Variants in ANK3 observed in about 807,000 individuals in gnomAD.
The protein encoded by ANK3 is ankyrin-3.
ANK3 carries 57 observed loss-of-function variants against 370.9 expected under a neutral mutation model. The observed-to-expected ratio is 0.15, with a 90% CI of 0.12 to 0.19. The LOEUF is 0.19. ANK3 is among the 10% of genes least tolerant of loss of function. ANK3 has a pLI of 1.00. For synonymous variants in ANK3, 1,929 were observed against 1,946.3 expected (o/e 0.99, Z 0.23); for missense variants, 4,439 against 5,302.1 (o/e 0.84, Z 5.06).
chr10:60,712,563 A>G (rs1169820173), intron 1 of ANK3, among the ~76,000 whole-genome samples: 1 of 152,230 alleles, frequency 6.6e-6, no homozygotes, highest in African/African-American at 2.4e-5. Flanking sequence ...AACAGAGAAT[A>G]AGGGCAGCAA....
chr10:60,145,977 TA>T, intron 23 of ANK3: 1 of 956,500 alleles, frequency 1.0e-6, no homozygotes, highest in Non-Finnish European at 1.6e-6. Context: ...CTTTTCACCG[TA>T]AACTCTTGTA....
chr10:60,179,862 A>G (rs2096099411), intron 18 of ANK3, among the ~76,000 whole-genome samples: 1 of 151,840 alleles, frequency 6.6e-6, no homozygotes, highest in Non-Finnish European at 1.5e-5. Flanking sequence ...TCCTCACCAT[A>G]CTCCCTGGCT....
At chr10:60,591,130 G>A (rs1303108634) in intron 2 of ANK3, among the ~76,000 whole-genome samples, 1 of 152,042 alleles carries the variant, frequency 6.6e-6, no homozygotes, top group Non-Finnish European at 1.5e-5. Context: ...CAGCGATCAT[G>A]ACCAGCTCCA....
intron 2 of ANK3, among the ~76,000 whole-genome samples, chr10:60,440,078 G>A (rs987452050): frequency 3.3e-5 from 5 of 152,142 alleles, no homozygotes; most frequent in Non-Finnish European, 5.9e-5. Context: ...TTGCCAACTA[G>A]TATTCACAAG....
intron 2 of ANK3, among the ~76,000 whole-genome samples, chr10:60,436,149 A>G (rs765658878): frequency 3.6e-4 from 55 of 152,254 alleles, no homozygotes; most frequent in Non-Finnish European, 2.5e-4. Context: ...ATGAATCAGT[A>G]CTCTAGTCCT....
intron 1 of ANK3, among the ~76,000 whole-genome samples, chr10:60,368,385 A>T (rs1321091689): frequency 6.6e-6 from 1 of 152,060 alleles, no homozygotes; most frequent in Non-Finnish European, 1.5e-5. Context: ...ATCTCCTATC[A>T]CCCCACAGAG....
At chr10:60,432,394 C>A (rs1318821378) in intron 2 of ANK3, among the ~76,000 whole-genome samples, 2 of 152,276 alleles carry the variant, frequency 1.3e-5, no homozygotes, top group Admixed American at 1.3e-4. Flanking sequence ...CAAAGGTATT[C>A]TCTGAAGGAC....
In ANK3 at chr10:60,057,120, T is replaced by C. The variant is rs77183003; in HGVS notation, c.12687-1084A>G. On this transcript the variant is annotated intron_variant, in intron 41 of 43. Transcript: ENST00000280772. ...TCAGTCATGAATCCTGCCGTTACTT[T>C]TCCAACTCTAATACCTTTACTTGAA... Among the ~76,000 whole-genome samples, 607 of 152,318 alleles carry C rather than the reference T, an allele frequency of 4.0e-3. 4 individuals are homozygous for C. The highest frequency in any genetic ancestry group is 0.014 in the African/African-American group (588 of 41,572).
intron 42 of ANK3, chr10:60,053,684 C>T (rs937514079): frequency 2.3e-6 from 3 of 1,303,842 alleles, no homozygotes; most frequent in South Asian, 2.5e-5. Context: ...TACCTTATAA[C>T]AGCAGGCAGT....
intron 12 of ANK3, among the ~76,000 whole-genome samples, chr10:60,201,541 C>T (rs1270487040): frequency 6.6e-6 from 1 of 152,060 alleles, no homozygotes; most frequent in African/African-American, 2.4e-5. Context: ...GGTAAGTTAC[C>T]ACTCTGATAG....
chr10:60,704,781 T>C (rs1402819362), intron 1 of ANK3, among the ~76,000 whole-genome samples: 2 of 152,204 alleles, frequency 1.3e-5, no homozygotes, highest in African/African-American at 2.4e-5. Context: ...AACAATACTA[T>C]GCTATCATGG....
chr10:60,219,638 G>C (rs2097006693), intron 8 of ANK3, among the ~76,000 whole-genome samples: 1 of 152,148 alleles, frequency 6.6e-6, no homozygotes. Context: ...AATCCCGCTG[G>C]AGAAGTTTTC....
At chr10:60,453,614 T>G (rs1297015245) in intron 2 of ANK3, among the ~76,000 whole-genome samples, 5 of 152,282 alleles carry the variant, frequency 3.3e-5, no homozygotes, top group Non-Finnish European at 7.4e-5. Flanking sequence ...TCTGAGAAGT[T>G]AAACTCCTCA....
At chr10:60,347,096 A>T (rs2055736873) in intron 1 of ANK3, among the ~76,000 whole-genome samples, 1 of 150,420 alleles carries the variant, frequency 6.6e-6, no homozygotes, top group Non-Finnish European at 1.5e-5. Context: ...TACCTAATGC[A>T]GTACTGTACA....
chr10:60,199,133 G>C (rs1433829282), intron 13 of ANK3, among the ~76,000 whole-genome samples: 1 of 152,130 alleles, frequency 6.6e-6, no homozygotes, highest in Non-Finnish European at 1.5e-5. Context: ...ATTCACCCAA[G>C]GGCAGGAGGT....
chr10:60,546,784 T>C (rs2076973123), intron 2 of ANK3, among the ~76,000 whole-genome samples: 1 of 152,056 alleles, frequency 6.6e-6, no homozygotes, highest in African/African-American at 2.4e-5. Context: ...ACATTCAAAT[T>C]AAAAGAAAAG....
At chr10:60,332,363 C>T (rs1201565141) in intron 1 of ANK3, among the ~76,000 whole-genome samples, 1 of 152,206 alleles carries the variant, frequency 6.6e-6, no homozygotes, top group Admixed American at 6.5e-5. Flanking sequence ...TTTTTAGAAG[C>T]TCACCTCATA....
At chr10:60,250,350 A>C (rs929675591) in intron 7 of ANK3, among the ~76,000 whole-genome samples, 3 of 152,140 alleles carry the variant, frequency 2.0e-5, no homozygotes, top group Non-Finnish European at 4.4e-5. Context: ...AAACTGTTAG[A>C]ACATTTGCTT....
At chr10:60,386,467 A>G (rs2062339378) in intron 1 of ANK3, among the ~76,000 whole-genome samples, 1 of 151,862 alleles carries the variant, frequency 6.6e-6, no homozygotes, top group Non-Finnish European at 1.5e-5. Context: ...ACACTACTTA[A>G]GTTATGTCAA....
Sources: allele counts gnomAD v4.1 joint callset (sites outside exome capture counted in the v4.1 genomes callset), GRCh38; gene constraint gnomAD v4.1.1; transcripts MANE v1.5; gene names NCBI Gene and HGNC (gene_info 2026-07-23, HGNC 2026-07-21).